Variants in DIAPH2 observed in about 807,000 individuals in gnomAD.
The protein encoded by DIAPH2 is protein diaphanous homolog 2.
In DIAPH2, 35 loss-of-function variants were observed where a neutral mutation model predicts 92.7. The observed-to-expected ratio is 0.38, with a 90% confidence interval of 0.29 to 0.50. DIAPH2 has a LOEUF of 0.50. Ranked by LOEUF, DIAPH2 falls within the 20% of genes least tolerant of loss-of-function variation. The probability of loss-of-function intolerance (pLI) is 0.94; values close to 1 mark genes in which losing one functional copy is unlikely to be tolerated. For missense variants in DIAPH2, 701 were observed against 819.5 expected (o/e 0.86, Z 1.77); for synonymous variants, 301 against 280.4 (o/e 1.07, Z -0.73).
intron 21 of DIAPH2, among the ~76,000 whole-genome samples, chrX:97,115,681 C>T (rs906665504): frequency 3.6e-5 from 4 of 112,067 alleles, no homozygotes; most frequent in Admixed American, 9.5e-5. Context: ...GCTTATTCTA[C>T]TCTAAGATAA....
intron 26 of DIAPH2, among the ~76,000 whole-genome samples, chrX:97,445,913 G>A (rs929934623): frequency 1.9e-5 from 2 of 107,444 alleles, no homozygotes; most frequent in African/African-American, 3.4e-5. Context: ...TTTATGGGGG[G>A]GAAAAAAAAC....
At chrX:97,143,272 G>A (rs2067220339) in intron 22 of DIAPH2, among the ~76,000 whole-genome samples, 1 of 110,641 alleles carries the variant, frequency 9.0e-6, no homozygotes, top group Non-Finnish European at 1.9e-5. Context: ...TTAAACATTT[G>A]TGTTGTAATT....
At chrX:96,972,589 T>C (rs990686289) in intron 17 of DIAPH2, among the ~76,000 whole-genome samples, 1 of 110,846 alleles carries the variant, frequency 9.0e-6, no homozygotes, top group Non-Finnish European at 1.9e-5. Context: ...CACAATCTAC[T>C]GAGAGAGGTA....
chrX:96,851,991 A>G (rs1163578970), intron 4 of DIAPH2, among the ~76,000 whole-genome samples: 1 of 112,175 alleles, frequency 8.9e-6, no homozygotes, highest in Admixed American at 9.5e-5. Context: ...TGGTAGTTAA[A>G]ACTTTTTATT....
intron 23 of DIAPH2, among the ~76,000 whole-genome samples, chrX:97,250,844 A>T (rs1444625600): frequency 8.9e-6 from 1 of 112,094 alleles, no homozygotes; most frequent in Non-Finnish European, 1.9e-5. Flanking sequence ...CAAATGTATC[A>T]TTGAATCACC....
At chrX:97,234,038 A>T (rs927837356) in intron 22 of DIAPH2, among the ~76,000 whole-genome samples, 1 of 110,733 alleles carries the variant, frequency 9.0e-6, no homozygotes, top group South Asian at 3.9e-4. Flanking sequence ...AGGCATCAAG[A>T]AATCCAGAGG....
intron 17 of DIAPH2, among the ~76,000 whole-genome samples, chrX:97,010,138 C>T (rs779516022): frequency 2.7e-5 from 3 of 112,112 alleles, no homozygotes; most frequent in Non-Finnish European, 3.8e-5. Context: ...TGCCCTACCT[C>T]TCTTGGTTAG....
chrX:96,763,316 G>C (rs192145508), intron 4 of DIAPH2, among the ~76,000 whole-genome samples: 1 of 111,473 alleles, frequency 9.0e-6, no homozygotes, highest in East Asian at 2.8e-4. Flanking sequence ...AGATGTTTTA[G>C]AACTAGAATA....
chrX:96,706,300 A>T (rs938890999), intron 1 of DIAPH2, among the ~76,000 whole-genome samples: 2 of 111,968 alleles, frequency 1.8e-5, no homozygotes, highest in African/African-American at 6.5e-5. Context: ...TGCATCACTC[A>T]ATTATATCCC....
At chrX:97,099,258 C>T (rs1337301834) in intron 19 of DIAPH2, among the ~76,000 whole-genome samples, 1 of 110,155 alleles carries the variant, frequency 9.1e-6, no homozygotes, top group Non-Finnish European at 1.9e-5. Context: ...CCCAGCTACT[C>T]GTGAGGCTGA....
At chrX:96,941,008 T>A (rs1181714796) in intron 12 of DIAPH2, among the ~76,000 whole-genome samples, 1 of 111,496 alleles carries the variant, frequency 9.0e-6, no homozygotes, top group Non-Finnish European at 1.9e-5. Flanking sequence ...TAGACTGAGG[T>A]TATAATCCAA....
At chrX:97,180,363 C>T (rs1433609348) in intron 22 of DIAPH2, among the ~76,000 whole-genome samples, 1 of 111,487 alleles carries the variant, frequency 9.0e-6, no homozygotes, top group African/African-American at 3.3e-5. Context: ...TTGTTTTTTT[C>T]TTGTAAATTC....
intron 26 of DIAPH2, among the ~76,000 whole-genome samples, chrX:97,538,905 T>C (rs1163940204): frequency 8.9e-6 from 1 of 112,365 alleles, no homozygotes; most frequent in Non-Finnish European, 1.9e-5. Context: ...AAGACTCCAC[T>C]AGGATTCTGT....
At chrX:96,989,580 G>T (rs1248449914) in intron 17 of DIAPH2, among the ~76,000 whole-genome samples, 1 of 111,943 alleles carries the variant, frequency 8.9e-6, no homozygotes, top group African/African-American at 3.2e-5. Context: ...ATTTATGAAA[G>T]TGTTGGAGAA....
At chrX:97,164,358 T>G (rs2147444108) in intron 22 of DIAPH2, among the ~76,000 whole-genome samples, 1 of 112,020 alleles carries the variant, frequency 8.9e-6, no homozygotes, top group African/African-American at 3.2e-5. Context: ...CAAAAATACC[T>G]ATTTCTTACT....
intron 22 of DIAPH2, among the ~76,000 whole-genome samples, chrX:97,190,858 A>G (rs995326454): frequency 3.9e-5 from 4 of 103,763 alleles, no homozygotes; most frequent in African/African-American, 1.4e-4. Context: ...AAAAAAATTC[A>G]TAGGTACTGG....
In DIAPH2 at chrX:97,035,874, TG is replaced by T. The variant is rs760590688; in HGVS notation, c.2051-37065del. ...AAATAAAAAAATTAGCTGAGCATGG[TG>T]GCATGCGCCTGTTGTCCCAGCTACT... On this transcript the variant is annotated intron_variant, in intron 17 of 26. Coordinates refer to ENST00000324765, the MANE Select transcript of DIAPH2 (RefSeq NM_006729.5). Among the ~76,000 whole-genome samples the T allele has an allele frequency of 6.4e-3, 699 of 108,620 alleles. 5 individuals carry two copies. The highest frequency in any genetic ancestry group is 0.014 in the Middle Eastern group (3 of 213). The allele number at this position is 108,620 out of a possible 115,157, so 94.3% of individuals were successfully genotyped here.
intron 20 of DIAPH2, among the ~76,000 whole-genome samples, chrX:97,102,255 C>T (rs1346853645): frequency 5.4e-5 from 6 of 111,534 alleles, no homozygotes; most frequent in Non-Finnish European, 9.4e-5. Context: ...TATTCTGCGT[C>T]CTTTCATTTT....
intron 1 of DIAPH2, among the ~76,000 whole-genome samples, chrX:96,719,236 C>G (rs898488248): frequency 1.6e-4 from 18 of 111,978 alleles, no homozygotes; most frequent in African/African-American, 4.2e-4. Flanking sequence ...TGTGGGTTAT[C>G]TCTTCACTTT....
Sources: allele counts gnomAD v4.1 joint callset (sites outside exome capture counted in the v4.1 genomes callset), GRCh38; gene constraint gnomAD v4.1.1; transcripts MANE v1.5; gene names NCBI Gene and HGNC (gene_info 2026-07-23, HGNC 2026-07-21).